The following TMEM17 variants were observed in gnomAD, a reference collection of about 807,000 sequenced individuals.
The protein encoded by TMEM17 is transmembrane protein 17.
A neutral mutation model predicts 19.1 loss-of-function variants in TMEM17; 15 were observed. The ratio of observed to expected loss-of-function variants is 0.78; its 90% confidence interval spans 0.52 to 1.21. The LOEUF is 1.21. Ranked by LOEUF, TMEM17 falls within the 50% of genes most tolerant of loss-of-function variation. TMEM17 has a pLI of 0.00. For synonymous variants in TMEM17, 103 were observed against 86.9 expected (o/e 1.19, Z -1.03); for missense variants, 245 against 242.3 (o/e 1.01, Z -0.07).
Position 62,506,115 on chromosome 2 carries a change from A to T in TMEM17, c.15T>A (p.Asp5Glu), listed in dbSNP as rs754118680. The change falls in exon 1 of 4, where the codon GAT becomes GAA. Residue 5 changes from aspartate (D) to glutamate (E), a missense_variant. By Grantham distance (45) the Asp-to-Glu change is conservative. Transcript: ENST00000335390. Reference protein sequence around the residue: MELPDPVRQRLGNFS... With the variant: MELPEPVRQRLGNFS... ...AGTTTCCCAGCCGCTGGCGCACCGG[A>T]TCCGGCAGCTCCATGCCTGGGCCTC... The T allele has an allele frequency of 1.3e-5, 21 of 1,610,832 alleles. No individual in the cohort carries two copies. The Admixed American group carries it at 2.7e-4, about 21-fold the overall frequency.
At chr2:62,498,443 G>A (rs1368165097), downstream of TMEM17, among the ~76,000 whole-genome samples, 7 of 147,792 alleles carry the variant, frequency 4.7e-5, no homozygotes, top group African/African-American at 1.5e-4. Flanking sequence ...TTGGCCGGGC[G>A]CGGTGGCTCA....
At chr2:62,490,464 A>G in the TMEM17 span, among the ~76,000 whole-genome samples, 1 of 151,992 alleles carries the variant, frequency 6.6e-6, no homozygotes. Flanking sequence ...GGGTCTCACT[A>G]TGTTGCCAGG....
rs781249538 is a variant in TMEM17, at chr2:62,501,473, A to G, written c.333T>C (p.Ala111=). The G allele has an allele frequency of 5.9e-5, 95 of 1,612,198 alleles. No homozygotes were observed. The highest frequency in any genetic ancestry group is 7.9e-5 in the Non-Finnish European group (93 of 1,179,208). Residue 111 remains alanine, a synonymous_variant, in exon 4 of 4, where the codon GCT becomes GCC. Coordinates refer to ENST00000335390, the MANE Select transcript of TMEM17 (RefSeq NM_198276.3). ...ATAGAAGGCTCAAAAGCCAAAAGCC[A>G]GCCAACTCAGGAACCTGCAATGACA... ...GNLQEKVPEL[A]GFWLLSLLLQ...
chr2:62,482,217 G>C, the TMEM17 span, among the ~76,000 whole-genome samples: 2 of 152,226 alleles, frequency 1.3e-5, no homozygotes, highest in Non-Finnish European at 2.9e-5. Flanking sequence ...AGGGAATTCT[G>C]TGAAATGTAG....
At chr2:62,505,260 AGGAGGAAACTGTTCT>A (rs1329902924) in intron 1 of TMEM17, among the ~76,000 whole-genome samples, 1 of 152,166 alleles carries the variant, frequency 6.6e-6, no homozygotes. Context: ...ATGATGTAGG[AGGAGGAAACTGTTCT>A]GGAGGAAACT....
the TMEM17 span, among the ~76,000 whole-genome samples, chr2:62,490,728 C>G: frequency 6.6e-6 from 1 of 152,124 alleles, no homozygotes; most frequent in Non-Finnish European, 1.5e-5. Context: ...TTTTAATAAA[C>G]AGGCCCCTTA....
chr2:62,498,780 A>G (rs1409999265), downstream of TMEM17, among the ~76,000 whole-genome samples: 2 of 152,058 alleles, frequency 1.3e-5, no homozygotes, highest in African/African-American at 4.8e-5. Flanking sequence ...AAATATGTAA[A>G]GGACAAAATG....
At chr2:62,470,599 G>T in the TMEM17 span, among the ~76,000 whole-genome samples, 1 of 152,208 alleles carries the variant, frequency 6.6e-6, no homozygotes, top group Non-Finnish European at 1.5e-5. Context: ...GGCACACAGG[G>T]TCCTCAGTCA....
chr2:62,488,269 A>T, the TMEM17 span, among the ~76,000 whole-genome samples: 1 of 152,166 alleles, frequency 6.6e-6, no homozygotes, highest in East Asian at 1.9e-4. Context: ...GAAAGTGATC[A>T]ATATGATAAT....
the TMEM17 span, among the ~76,000 whole-genome samples, chr2:62,477,742 C>G: frequency 6.6e-6 from 1 of 152,216 alleles, no homozygotes; most frequent in South Asian, 2.1e-4. Context: ...GGGCCAGGCC[C>G]CTTCCTGACT....
At chr2:62,479,473 G>A in the TMEM17 span, among the ~76,000 whole-genome samples, 1,336 of 152,206 alleles carry the variant, frequency 8.8e-3, 5 homozygotes, top group Non-Finnish European at 0.013. Context: ...CCATTCATCC[G>A]TTGTTGGACA....
At chr2:62,505,221 G>T (rs1680034638) in intron 1 of TMEM17, among the ~76,000 whole-genome samples, 1 of 152,176 alleles carries the variant, frequency 6.6e-6, no homozygotes, top group African/African-American at 2.4e-5. Flanking sequence ...AACCACATGG[G>T]TTTGGTTGAC....
At chr2:62,488,683 C>T in the TMEM17 span, among the ~76,000 whole-genome samples, 2 of 151,040 alleles carry the variant, frequency 1.3e-5, no homozygotes, top group South Asian at 2.1e-4. Flanking sequence ...CTTGAATCTA[C>T]GGAAATAAAG....
chr2:62,477,666 T>G, the TMEM17 span, among the ~76,000 whole-genome samples: 1 of 152,180 alleles, frequency 6.6e-6, no homozygotes, highest in Non-Finnish European at 1.5e-5. Context: ...GCAGTTAGAA[T>G]CAGGGGTGAG....
At chr2:62,505,561 G>C (rs770238022) in intron 1 of TMEM17, among the ~76,000 whole-genome samples, 3 of 152,002 alleles carry the variant, frequency 2.0e-5, no homozygotes, top group African/African-American at 7.3e-5. Context: ...TCCCTGGGGT[G>C]GGGGTGGGGA....
At chr2:62,461,080 G>T in the TMEM17 span, among the ~76,000 whole-genome samples, 14 of 152,188 alleles carry the variant, frequency 9.2e-5, no homozygotes, top group Non-Finnish European at 2.1e-4. Context: ...CAGAGTGTGT[G>T]TGCCTTCCCA....
the TMEM17 span, among the ~76,000 whole-genome samples, chr2:62,493,643 C>G: frequency 6.6e-6 from 1 of 152,144 alleles, no homozygotes; most frequent in Non-Finnish European, 1.5e-5. Context: ...GTATTTGGAT[C>G]TGGCATTTCA....
chr2:62,499,068 G>T (rs936303702), downstream of TMEM17, among the ~76,000 whole-genome samples: 1 of 152,050 alleles, frequency 6.6e-6, no homozygotes, highest in Non-Finnish European at 1.5e-5. Flanking sequence ...ACTTGGTCAT[G>T]GTCTCAATTT....
At chr2:62,453,883 C>CT in the TMEM17 span, among the ~76,000 whole-genome samples, 21 of 152,180 alleles carry the variant, frequency 1.4e-4, no homozygotes, top group Admixed American at 1.4e-3. Flanking sequence ...CTTGCCTGTG[C>CT]TTGCATCTCA....
Sources: allele counts gnomAD v4.1 joint callset (sites outside exome capture counted in the v4.1 genomes callset), GRCh38; gene constraint gnomAD v4.1.1; transcripts MANE v1.5; gene names NCBI Gene and HGNC (gene_info 2026-07-23, HGNC 2026-07-21).